GPAT4: variants seen among roughly 807,000 people sequenced by gnomAD.
The protein encoded by GPAT4 is 1-AGP acyltransferase 6.
Under a neutral mutation model 58.0 loss-of-function variants are expected in GPAT4, and 17 were observed. The ratio of observed to expected loss-of-function variants is 0.29; its 90% CI spans 0.20 to 0.44. GPAT4 has a LOEUF of 0.44. GPAT4 is among the 20% of genes least tolerant of loss of function. GPAT4 has a pLI of 1.00. For missense variants in GPAT4, 377 were observed against 574.5 expected (o/e 0.66, Z 3.51); for synonymous variants, 204 against 210.1 (o/e 0.97, Z 0.25).
At chr8:41,610,985 G>A (rs564914184) in intron 5 of GPAT4, among the ~76,000 whole-genome samples, 175 bp downstream of exon 5, 1 of 152,340 alleles carries the variant, frequency 6.6e-6, no homozygotes, top group Admixed American at 6.5e-5. Flanking sequence ...CCAGCACTTT[G>A]GGAGGCTGAG....
intron 12 of GPAT4, 28 bp from the exon 13 acceptor site, chr8:41,620,865 T>TTAC (rs1310397276): frequency 6.5e-7 from 1 of 1,549,846 alleles, no homozygotes; most frequent in Admixed American, 2.0e-5. Context: ...CTCTTGGCTG[T>TTAC]TACTACATCC....
At chr8:41,581,370 C>G (rs1340731580) in intron 1 of GPAT4, among the ~76,000 whole-genome samples, 1 of 152,186 alleles carries the variant, frequency 6.6e-6, no homozygotes, top group African/African-American at 2.4e-5. Context: ...TGGATCCCAC[C>G]TCCAGTTAAT....
rs1353096318 is a variant in GPAT4 at position 41,621,346 on chromosome 8, T to C, written c.*345T>C. The C allele has an allele frequency of 7.2e-5, 19 of 262,416 alleles. No homozygotes were observed. In the South Asian group the frequency reaches 9.2e-4, roughly 13 times the overall value. 16.3% of individuals were successfully genotyped at this position (262,416 alleles called of 1,614,324 possible). A position where few individuals can be genotyped will look rare whatever the true frequency, so the allele number is the denominator to read the frequency against. ...GGGAGATGTGGCCATGGTCTTGTGC[T>C]AGAGATGGCGGTACAAGAGTCTGTT... is the stretch of plus-strand genomic sequence containing the variant. On this transcript the variant is annotated 3_prime_UTR_variant, in exon 13 of 13. Transcript: ENST00000396987.
Position 41,603,383 on chromosome 8 carries a change from G to A in GPAT4, c.165+4079G>A, listed in dbSNP as rs986518058. On this transcript the variant is annotated intron_variant, in intron 2 of 12. Coordinates refer to ENST00000396987, the MANE Select transcript of GPAT4 (RefSeq NM_178819.4). ...CTCTACTAAAAATACAAAATTAGCC[G>A]GGCGTAGTGACGCACATCTGTAATC... 4.0e-5 allele frequency among the ~76,000 whole-genome samples: 6 copies of A among 151,858 alleles called. No individual in the cohort carries two copies. The East Asian group carries it at 5.8e-4, about 15-fold the overall frequency.
intron 2 of GPAT4, among the ~76,000 whole-genome samples, chr8:41,599,832 T>C (rs1023282520): frequency 3.3e-5 from 5 of 152,172 alleles, no homozygotes; most frequent in Non-Finnish European, 5.9e-5. Flanking sequence ...CTGGTCACAT[T>C]GTAAGGAAAT....
rs554740180 is a variant in GPAT4, at chr8:41,599,177, A to C, written c.38A>C (p.Asn13Thr). The change falls in exon 2 of 13, where the codon AAC (asparagine) becomes ACC (threonine). Residue 13 changes from asparagine to threonine, a missense_variant. Coordinates refer to ENST00000396987, the MANE Select transcript of GPAT4 (RefSeq NM_178819.4). ...LLLPFDSLIVNLLGISLTVLF... is the reference protein window; with the variant it reads ...LLLPFDSLIVTLLGISLTVLF... The stretch of plus-strand genomic sequence containing the variant: ...CTGCCTTTTGATAGCCTGATTGTCA[A>C]CCTTCTGGGCATCTCCCTGACTGTC... 6.2e-7 allele frequency: 1 copy of C among 1,612,868 alleles called. No individual in the cohort carries two copies. Among genetic ancestry groups the C allele is most frequent in the Admixed American group, 1.7e-5 (1 of 59,658 alleles).
At chr8:41,607,857 T>C (rs1803325916) in intron 2 of GPAT4, among the ~76,000 whole-genome samples, 1 of 152,136 alleles carries the variant, frequency 6.6e-6, no homozygotes, top group African/African-American at 2.4e-5. Context: ...TGATTATTCT[T>C]GCAGTGCCAA....
Position 41,599,372 on chromosome 8 carries a change from T to C in GPAT4, c.165+68T>C, listed in dbSNP as rs947449973. Reference sequence around the variant, plus strand: ...AGAAGTGCATTTAGCAAAAAGTTATTCTTACAGGCCTATTATCTCTTTATT... The same window carrying C: ...AGAAGTGCATTTAGCAAAAAGTTATCCTTACAGGCCTATTATCTCTTTATT... On this transcript the variant is annotated intron_variant, in intron 2 of 12. Coordinates refer to ENST00000396987, the MANE Select transcript of GPAT4 (RefSeq NM_178819.4). The C allele has an allele frequency of 9.7e-5, 151 of 1,555,104 alleles. No homozygotes were observed. In the African/African-American group the frequency reaches 1.9e-3, roughly 20 times the overall value.
At chr8:41,610,499 G>A in intron 4 of GPAT4, 1 of 1,380,912 alleles carries the variant, frequency 7.2e-7, no homozygotes, top group Non-Finnish European at 9.4e-7. Context: ...AGCTGCCTGA[G>A]GCCTCAGGAG....
intron 1 of GPAT4, among the ~76,000 whole-genome samples, chr8:41,588,695 G>T (rs1165129040): frequency 2.0e-5 from 3 of 152,188 alleles, no homozygotes; most frequent in Non-Finnish European, 4.4e-5. Context: ...CACACACTGT[G>T]TGCCCAGTGA....
chr8:41,609,899 C>T lies in GPAT4; in HGVS notation c.480C>T (p.Leu160=), dbSNP rs1308611701. Residue 160 remains leucine (L), a synonymous_variant, in exon 4 of 13, where the codon CTC becomes CTT. Transcript: ENST00000396987. Reference sequence around the variant, plus strand: ...ACTTCCAGTACATCAGCCTTCGGCTCACGGTCCTGTGGGGGTTAGGAGTGC... The same window carrying T: ...ACTTCCAGTACATCAGCCTTCGGCTTACGGTCCTGTGGGGGTTAGGAGTGC... ...NYNFQYISLR[L]TVLWGLGVLI... The T allele has an allele frequency of 2.5e-6, 4 of 1,614,050 alleles. No homozygotes were observed. Among genetic ancestry groups the T allele is most frequent in the Non-Finnish European group, 3.4e-6 (4 of 1,180,010 alleles).
intron 1 of GPAT4, among the ~76,000 whole-genome samples, chr8:41,582,265 A>G (rs911419458): frequency 1.3e-5 from 2 of 151,976 alleles, no homozygotes; most frequent in Non-Finnish European, 2.9e-5. Context: ...CAGCCTCCCA[A>G]AGTGCTGGGA....
At chr8:41,583,720 A>G (rs1314886938) in intron 1 of GPAT4, among the ~76,000 whole-genome samples, 1 of 152,202 alleles carries the variant, frequency 6.6e-6, no homozygotes, top group Admixed American at 6.5e-5. Context: ...GAACATAAAG[A>G]TGAAGGAATG....
At chr8:41,617,099 C>T (rs560239562) in intron 10 of GPAT4, among the ~76,000 whole-genome samples, 13 of 152,310 alleles carry the variant, frequency 8.5e-5, no homozygotes, top group South Asian at 6.2e-4. Flanking sequence ...CAGTGGTTCA[C>T]GCCTGTAATC....
At chr8:41,586,100 C>T (rs1359629339) in intron 1 of GPAT4, among the ~76,000 whole-genome samples, 1 of 152,224 alleles carries the variant, frequency 6.6e-6, no homozygotes, top group Admixed American at 6.5e-5. Context: ...TCCCCACTCT[C>T]GCCAGCTCTA....
chr8:41,586,258 T>G (rs552300595), intron 1 of GPAT4, among the ~76,000 whole-genome samples: 1 of 152,376 alleles, frequency 6.6e-6, no homozygotes, highest in Admixed American at 6.5e-5. Context: ...TTTCTTCATT[T>G]TTATGGCCAA....
At chr8:41,585,353 T>G (rs531188619) in intron 1 of GPAT4, among the ~76,000 whole-genome samples, 38 of 152,178 alleles carry the variant, frequency 2.5e-4, no homozygotes, top group African/African-American at 8.4e-4. Flanking sequence ...CAGATGGGCG[T>G]GTTAGTCCTG....
chr8:41,599,441 A>G (rs1803022566), intron 2 of GPAT4, 137 bp downstream of exon 2: 1 of 1,038,314 alleles, frequency 9.6e-7, no homozygotes, highest in Non-Finnish European at 1.4e-6. Context: ...CTTTTTGAGT[A>G]AGAAGAATAA....
intron 2 of GPAT4, 88 bp from the exon 3 acceptor site, chr8:41,609,328 A>G (rs1803371824): frequency 7.3e-7 from 1 of 1,365,788 alleles, no homozygotes; most frequent in Non-Finnish European, 1.0e-6. Context: ...ACTGGGACTG[A>G]GGCTTTCACA....
Sources: allele counts gnomAD v4.1 joint callset (sites outside exome capture counted in the v4.1 genomes callset), GRCh38; gene constraint gnomAD v4.1.1; transcripts MANE v1.5; gene names NCBI Gene and HGNC (gene_info 2026-07-23, HGNC 2026-07-21).